ADGRB3: variants seen among roughly 807,000 people sequenced by gnomAD.
The protein encoded by ADGRB3 is adhesion G protein-coupled receptor B3.
Under a neutral mutation model 193.4 loss-of-function variants are expected in ADGRB3, and 37 were observed. The ratio of observed to expected loss-of-function variants is 0.19; its 90% confidence interval spans 0.15 to 0.25. ADGRB3 has a LOEUF of 0.25. Among genes scored for constraint, ADGRB3 ranks in the 10% least tolerant of loss-of-function variants. The pLI is 1.00. For missense variants in ADGRB3, 1,637 were observed against 1,852.9 expected, an observed-to-expected ratio of 0.88 and a Z score of 2.14; for synonymous variants, 690 against 644.2, an observed-to-expected ratio of 1.07 and a Z score of -1.08.
intron 8 of ADGRB3, among the ~76,000 whole-genome samples, chr6:68,966,796 G>C (rs1047856939): frequency 6.6e-6 from 1 of 152,182 alleles, no homozygotes; most frequent in Admixed American, 6.5e-5. Flanking sequence ...TTAACAAGGT[G>C]ACTGGGATAT....
At chr6:69,066,908 C>A (rs961555523) in intron 16 of ADGRB3, among the ~76,000 whole-genome samples, 2 of 152,028 alleles carry the variant, frequency 1.3e-5, no homozygotes, top group Admixed American at 6.6e-5. Context: ...TGTAGACAAA[C>A]ACATATGCTA....
At chr6:69,211,488 C>CCTG (rs1765666198) in intron 17 of ADGRB3, among the ~76,000 whole-genome samples, 2 of 151,876 alleles carry the variant, frequency 1.3e-5, no homozygotes, top group South Asian at 4.2e-4. Flanking sequence ...TAAAAAAGTT[C>CCTG]CTGTATTATA....
chr6:68,941,552 A>G (rs979892650), intron 5 of ADGRB3, among the ~76,000 whole-genome samples: 3 of 152,100 alleles, frequency 2.0e-5, no homozygotes, highest in Non-Finnish European at 2.9e-5. Context: ...GGGATTGTGC[A>G]ATATAGAACA....
At chr6:69,009,977 A>G (rs1465623915) in intron 11 of ADGRB3, among the ~76,000 whole-genome samples, 2 of 152,158 alleles carry the variant, frequency 1.3e-5, no homozygotes. Flanking sequence ...GATGCCAGTC[A>G]AAAGTAAAAA....
intron 22 of ADGRB3, among the ~76,000 whole-genome samples, chr6:69,328,190 G>A (rs930584040): frequency 5.9e-5 from 9 of 152,260 alleles, no homozygotes; most frequent in African/African-American, 9.6e-5. Context: ...AACTGGATAA[G>A]TCTTGACATA....
chr6:69,196,181 A>C (rs1196839535), intron 17 of ADGRB3, among the ~76,000 whole-genome samples: 5 of 152,122 alleles, frequency 3.3e-5, no homozygotes, highest in Non-Finnish European at 7.4e-5. Context: ...TTACTGAGGA[A>C]TACATGGGTA....
Position 69,239,149 on chromosome 6 carries a change from A to C in ADGRB3, c.2737A>C (p.Ile913Leu), listed in dbSNP as rs1186877223. The change falls in exon 20 of 32, where the codon ATA (isoleucine) becomes CTA (leucine). Residue 913 changes from isoleucine (I) to leucine (L), a missense_variant. Physicochemically the swap from Ile to Leu is conservative, Grantham distance 5. This residue lies in a region of ADGRB3 where 641 missense variants were observed against 673.9 expected (regional missense o/e 0.95). Transcript: ENST00000370598. ...GTACATACGCTCTGAGAGATCCATA[A>C]TACTAATTAACTTCTGCCTGTCTAT... ...WRYIRSERSI[I>L]LINFCLSIIS... The C allele has an allele frequency of 6.2e-7, 1 of 1,603,312 alleles. No individual in the cohort carries two copies. Among genetic ancestry groups the C allele is most frequent in the Non-Finnish European group, 8.5e-7 (1 of 1,170,944 alleles).
rs150375798 is a variant in ADGRB3 at position 69,122,993 on chromosome 6, C to CGT, written c.2480+46959_2480+46960dup. 6.7e-3 allele frequency among the ~76,000 whole-genome samples: 988 copies of CGT among 148,504 alleles called. 10 individuals are homozygous for CGT. The highest frequency in any genetic ancestry group is 0.025 in the Middle Eastern group (7 of 282). ...ATGTGTGTATATATATATACACATA[C>CGT]GTGTGAGTGTGTGTGTGTGTGTGTG... On this transcript the variant is annotated intron_variant, in intron 17 of 31. Transcript: ENST00000370598.
At chr6:69,070,338 A>T (rs1435497495) in intron 16 of ADGRB3, among the ~76,000 whole-genome samples, 1 of 152,166 alleles carries the variant, frequency 6.6e-6, no homozygotes, top group Non-Finnish European at 1.5e-5. Flanking sequence ...TTGTATTTGT[A>T]GTTTACAAAT....
chr6:68,763,743 G>T (rs1025712784), intron 3 of ADGRB3, among the ~76,000 whole-genome samples: 7 of 152,078 alleles, frequency 4.6e-5, no homozygotes, highest in Non-Finnish European at 7.4e-5. Context: ...TTTACTTGAA[G>T]AAATTTTCTT....
chr6:69,129,935 T>C (rs147643832), intron 17 of ADGRB3, among the ~76,000 whole-genome samples: 1 of 152,290 alleles, frequency 6.6e-6, no homozygotes, highest in East Asian at 1.9e-4. Context: ...CTACACTAAT[T>C]GTTTATAACC....
chr6:69,207,008 T>A (rs1472797769), intron 17 of ADGRB3, among the ~76,000 whole-genome samples: 1 of 152,210 alleles, frequency 6.6e-6, no homozygotes, highest in Non-Finnish European at 1.5e-5. Flanking sequence ...CCATGCATAC[T>A]CTTCCTGACC....
chr6:68,661,345 G>A (rs147032078), intron 3 of ADGRB3, among the ~76,000 whole-genome samples: 8,399 of 57,916 alleles, frequency 0.15, 600 homozygotes, highest in Admixed American at 0.17. Context: ...ATATATATGT[G>A]TGTGTGTGTG....
intron 17 of ADGRB3, chr6:69,232,662 C>T: frequency 6.6e-7 from 1 of 1,520,092 alleles, no homozygotes. Context: ...GGATACCAGG[C>T]AAAGGCAATG....
intron 8 of ADGRB3, among the ~76,000 whole-genome samples, chr6:68,958,697 AC>A (rs1191065034): frequency 6.6e-6 from 1 of 152,056 alleles, no homozygotes; most frequent in Non-Finnish European, 1.5e-5. Flanking sequence ...AATTATATAC[AC>A]TACACATTTT....
intron 8 of ADGRB3, among the ~76,000 whole-genome samples, chr6:68,969,978 A>C (rs138312579): frequency 6.6e-6 from 1 of 152,110 alleles, no homozygotes; most frequent in Non-Finnish European, 1.5e-5. Flanking sequence ...CCATTACTCT[A>C]TACTTGGTCT....
At chr6:68,924,077 A>C (rs1263768215) in intron 3 of ADGRB3, among the ~76,000 whole-genome samples, 2 of 152,102 alleles carry the variant, frequency 1.3e-5, no homozygotes, top group Non-Finnish European at 2.9e-5. Context: ...TGAAAGTAGA[A>C]TTGTATTTGT....
At chr6:69,029,995 C>CACACAT (rs1770585188) in intron 13 of ADGRB3, among the ~76,000 whole-genome samples, 1 of 151,388 alleles carries the variant, frequency 6.6e-6, no homozygotes, top group Non-Finnish European at 1.5e-5. Context: ...CACACACACA[C>CACACAT]ACACACACAT....
At chr6:69,367,378 G>A (rs9446109) in intron 29 of ADGRB3, among the ~76,000 whole-genome samples, 21,897 of 152,040 alleles carry the variant, frequency 0.14, 1,905 homozygotes, top group Middle Eastern at 0.21. Context: ...GTATATATCC[G>A]GTAATGGGAT....
Sources: allele counts gnomAD v4.1 joint callset (sites outside exome capture counted in the v4.1 genomes callset), GRCh38; gene constraint gnomAD v4.1.1; regional missense constraint gnomAD v4.1.1; transcripts MANE v1.5; gene names NCBI Gene and HGNC (gene_info 2026-07-23, HGNC 2026-07-21).